The following CCDC171 variants were observed in gnomAD, a reference collection of about 807,000 sequenced individuals.
The protein encoded by CCDC171 is coiled-coil domain containing 171.
CCDC171 carries 177 observed loss-of-function variants against 168.2 expected under a neutral mutation model. The ratio of observed to expected loss-of-function variants is 1.05; its 90% confidence interval spans 0.93 to 1.19. CCDC171 has a LOEUF of 1.19. CCDC171 is among the 50% of genes most tolerant of loss of function. The pLI, the probability that CCDC171 is intolerant of heterozygous loss-of-function variation, is 0.00. For missense variants in CCDC171, 1,991 were observed against 1,539.0 expected (o/e 1.29, Z -4.91); for synonymous variants, 687 against 540.8 (o/e 1.27, Z -3.75).
intron 21 of CCDC171, among the ~76,000 whole-genome samples, chr9:15,808,870 A>C (rs1309729521): frequency 1.3e-5 from 2 of 152,166 alleles, no homozygotes; most frequent in East Asian, 3.9e-4. Context: ...TTTTTCTCAC[A>C]TTGCTGGTTA....
At chr9:15,628,129 A>G (rs1386747761) in intron 7 of CCDC171, among the ~76,000 whole-genome samples, 1 of 152,140 alleles carries the variant, frequency 6.6e-6, no homozygotes, top group Non-Finnish European at 1.5e-5. Context: ...CTGCATTTCC[A>G]TCTGAGGTAC....
At chr9:15,860,257 T>A (rs1279668953) in intron 23 of CCDC171, among the ~76,000 whole-genome samples, 1 of 151,924 alleles carries the variant, frequency 6.6e-6, no homozygotes, top group East Asian at 1.9e-4. Context: ...TTTTCTGTTC[T>A]TTATTCTTTT....
intron 25 of CCDC171, among the ~76,000 whole-genome samples, chr9:15,948,185 A>G (rs979422462): frequency 2.6e-5 from 4 of 151,380 alleles, no homozygotes; most frequent in African/African-American, 7.3e-5. Flanking sequence ...ATAGTATTCC[A>G]TGGTGCATAT....
intron 3 of CCDC171, among the ~76,000 whole-genome samples, chr9:15,994,695 C>T (rs981541503): frequency 3.9e-5 from 6 of 152,182 alleles, no homozygotes; most frequent in Non-Finnish European, 5.9e-5. Flanking sequence ...ACCATGTTGT[C>T]TATAGGTACA....
chr9:15,910,202 C>G (rs1589094287), intron 24 of CCDC171, among the ~76,000 whole-genome samples: 1 of 145,450 alleles, frequency 6.9e-6, no homozygotes, highest in African/African-American at 2.5e-5. Context: ...ACACACACAC[C>G]ATATTTTCTT....
intron 24 of CCDC171, among the ~76,000 whole-genome samples, chr9:15,887,357 C>T (rs144443525): frequency 6.6e-6 from 1 of 152,002 alleles, no homozygotes; most frequent in East Asian, 1.9e-4. Flanking sequence ...AGTTTTGGAG[C>T]CTTCTAGTAA....
intron 9 of CCDC171, among the ~76,000 whole-genome samples, chr9:15,676,755 T>C (rs985397395): frequency 6.6e-6 from 1 of 152,154 alleles, no homozygotes; most frequent in Non-Finnish European, 1.5e-5. Flanking sequence ...TTTTGATCTT[T>C]ATCCTTTTTC....
chr9:15,571,659 T>C lies in CCDC171; in HGVS notation c.77T>C (p.Leu26Pro), dbSNP rs903416324. The change falls in exon 3 of 26, where the codon CTT becomes CCT. Residue 26 changes from leucine (L) to proline (P), a missense_variant. By Grantham distance (98) the Leu-to-Pro change is moderately conservative. Coordinates refer to ENST00000380701, the MANE Select transcript of CCDC171 (RefSeq NM_173550.4). ...KIASLDVKQI[L>P]KNETELDITD... Reference sequence around the variant, plus strand: ...GCCTCATTGGATGTAAAACAAATACTTAAAAATGAAACAGAGTTGGATATT... The same window carrying C: ...GCCTCATTGGATGTAAAACAAATACCTAAAAATGAAACAGAGTTGGATATT... 6.4e-7 allele frequency: 1 copy of C among 1,569,580 alleles called. No homozygotes were observed.
intron 1 of CCDC171, among the ~76,000 whole-genome samples, chr9:15,558,485 T>C (rs2038996498): frequency 6.6e-6 from 1 of 152,204 alleles, no homozygotes; most frequent in African/African-American, 2.4e-5. Context: ...TCCAGGAATT[T>C]ATCCATTTCC....
At chr9:16,059,629 C>G (rs1833900878) in intron 1 of CCDC171, among the ~76,000 whole-genome samples, 1 of 149,504 alleles carries the variant, frequency 6.7e-6, no homozygotes, top group East Asian at 1.9e-4. Context: ...ATTCTCCTGC[C>G]TCAGCCTCCC....
chr9:16,021,086 A>C (rs1833148016), intron 4 of CCDC171, among the ~76,000 whole-genome samples: 1 of 152,196 alleles, frequency 6.6e-6, no homozygotes, highest in African/African-American at 2.4e-5. Flanking sequence ...ACTTTCAATA[A>C]GACAATTTTT....
At chr9:15,824,604 CTTTTGT>C in intron 21 of CCDC171, among the ~76,000 whole-genome samples, 4 of 151,984 alleles carry the variant, frequency 2.6e-5, no homozygotes, top group Admixed American at 2.0e-4. Flanking sequence ...CACAGAATTC[CTTTTGT>C]AGTTAAAAAA....
the CCDC171 span, among the ~76,000 whole-genome samples, chr9:16,087,797 G>A: frequency 1.3e-5 from 2 of 151,976 alleles, no homozygotes; most frequent in African/African-American, 4.8e-5. Flanking sequence ...TATGATGCTA[G>A]CTGGTTATTT....
chr9:15,919,393 A>G (rs1020238349), intron 24 of CCDC171, among the ~76,000 whole-genome samples: 5 of 151,746 alleles, frequency 3.3e-5, no homozygotes, highest in African/African-American at 1.2e-4. Context: ...TTAAGATAGA[A>G]TGTAATTTGC....
Position 15,727,851 on chromosome 9 carries a change from C to CTTTTTTTTTTTTT in CCDC171, c.1693-8_1693-7insTTTTTTTTTTTTT. The stretch of plus-strand genomic sequence containing the variant: ...TGTTTATATACAGCAATTAATTTTT[C>CTTTTTTTTTTTTT]TTTTTTTTTTCCTGCAGGAGAAGCT... On this transcript the variant is annotated splice_polypyrimidine_tract_variant and intron_variant, in intron 14 of 25. Coordinates refer to ENST00000380701, the MANE Select transcript of CCDC171 (RefSeq NM_173550.4). 1 of 1,362,194 alleles carries CTTTTTTTTTTTTT rather than the reference C, an allele frequency of 7.3e-7. No homozygotes were observed. Among genetic ancestry groups the CTTTTTTTTTTTTT allele is most frequent in the Admixed American group, 2.0e-5 (1 of 49,258 alleles). 84.4% of individuals were successfully genotyped at this position (1,362,194 alleles called of 1,614,324 possible). A position where few individuals can be genotyped will look rare whatever the true frequency, so the allele number is the denominator to read the frequency against.
intron 23 of CCDC171, among the ~76,000 whole-genome samples, chr9:15,862,900 G>C (rs897810767): frequency 6.6e-6 from 1 of 152,046 alleles, no homozygotes; most frequent in Non-Finnish European, 1.5e-5. Context: ...ACTTGGAAAA[G>C]TTGGAATGTT....
At chr9:15,569,801 C>T (rs995901647) in intron 2 of CCDC171, among the ~76,000 whole-genome samples, 6 of 149,698 alleles carry the variant, frequency 4.0e-5, no homozygotes, top group Admixed American at 3.3e-4. Context: ...GGCGACAGAG[C>T]GAGACTCCGT....
At chr9:15,839,979 C>G (rs976277091) in intron 21 of CCDC171, among the ~76,000 whole-genome samples, 1 of 151,852 alleles carries the variant, frequency 6.6e-6, no homozygotes, top group East Asian at 1.9e-4. Flanking sequence ...CCTTCAAATT[C>G]TCTTAAATAA....
At chr9:15,946,236 C>A (rs971647840) in intron 25 of CCDC171, among the ~76,000 whole-genome samples, 2 of 151,924 alleles carry the variant, frequency 1.3e-5, no homozygotes, top group Non-Finnish European at 2.9e-5. Flanking sequence ...TTCCATTGAT[C>A]TATATCTCAG....
Sources: gnomAD v4.1 joint callset for allele counts (sites outside exome capture counted in the v4.1 genomes callset) on GRCh38, gnomAD v4.1.1 for gene constraint, MANE v1.5 for transcripts, NCBI Gene and HGNC (gene_info 2026-07-23, HGNC 2026-07-21) for gene names.